Variants in CHRNA7 observed in about 807,000 individuals in gnomAD.
The protein encoded by CHRNA7 is cholinergic receptor nicotinic alpha 7 subunit, also known as neuronal acetylcholine receptor subunit alpha-7.
CHRNA7 carries 17 observed loss-of-function variants against 48.0 expected under a neutral mutation model. That is an observed-to-expected ratio of 0.35 (90% CI 0.24 to 0.53). The LOEUF (loss-of-function observed/expected upper bound fraction) is 0.53. CHRNA7 is among the 20% of genes least tolerant of loss of function. The pLI, the probability that CHRNA7 is intolerant of heterozygous loss-of-function variation, is 0.92. For missense variants in CHRNA7, 155 were observed against 577.7 expected, an observed-to-expected ratio of 0.27 and a Z score of 7.50; for synonymous variants, 75 against 242.3, an observed-to-expected ratio of 0.31 and a Z score of 6.41.
chr15:32,152,428 G>A (rs1415360447), intron 4 of CHRNA7, among the ~76,000 whole-genome samples: 6 of 152,166 alleles, frequency 3.9e-5, no homozygotes, highest in African/African-American at 1.2e-4. Context: ...GGGCAACAGA[G>A]CTAGACTCCA....
At chr15:32,105,485 G>GGAGGAGGA (rs2050652603) in intron 3 of CHRNA7, among the ~76,000 whole-genome samples, 3 of 136,770 alleles carry the variant, frequency 2.2e-5, no homozygotes, top group African/African-American at 8.9e-5. Flanking sequence ...GAGGAGGAAA[G>GGAGGAGGA]GAGGAGGAGA....
intron 2 of CHRNA7, among the ~76,000 whole-genome samples, chr15:32,058,016 A>G (rs2049815635): frequency 6.6e-6 from 1 of 152,218 alleles, no homozygotes; most frequent in South Asian, 2.1e-4. Flanking sequence ...TTACAACTTC[A>G]GACTAAACAG....
chr15:32,115,749 A>G (rs1333566082), intron 4 of CHRNA7, among the ~76,000 whole-genome samples: 1 of 152,142 alleles, frequency 6.6e-6, no homozygotes, highest in Non-Finnish European at 1.5e-5. Context: ...AGGGGCACCT[A>G]GCAGGGCACT....
chr15:32,115,437 T>G (rs1013267908), intron 4 of CHRNA7, among the ~76,000 whole-genome samples: 14 of 152,114 alleles, frequency 9.2e-5, no homozygotes, highest in African/African-American at 3.4e-4. Flanking sequence ...CTGGCTGGCT[T>G]CCCCTTCCTG....
At chr15:32,071,457 A>G (rs1249530288) in intron 2 of CHRNA7, among the ~76,000 whole-genome samples, 1 of 152,160 alleles carries the variant, frequency 6.6e-6, no homozygotes, top group African/African-American at 2.4e-5. Flanking sequence ...TTTTCAATAT[A>G]CAAGTCAAGT....
chr15:32,139,481 C>T (rs1011146164), intron 4 of CHRNA7, among the ~76,000 whole-genome samples: 4 of 152,188 alleles, frequency 2.6e-5, no homozygotes, highest in African/African-American at 9.7e-5. Context: ...TGCCCACCAG[C>T]AGTGTATGAG....
intron 3 of CHRNA7, 197 bp from the exon 4 acceptor site, chr15:32,111,593 A>C: frequency 1.9e-6 from 1 of 533,402 alleles, no homozygotes; most frequent in Non-Finnish European, 3.3e-6. Flanking sequence ...CAGAACCTTA[A>C]ATGTGAGTTT....
intron 2 of CHRNA7, among the ~76,000 whole-genome samples, chr15:32,073,648 C>T (rs1000538665): frequency 9.2e-5 from 14 of 152,062 alleles, no homozygotes; most frequent in East Asian, 7.7e-4. Flanking sequence ...GTGTTTGGGT[C>T]GTGGGGATGG....
chr15:32,074,369 T>C (rs927484335), intron 2 of CHRNA7, among the ~76,000 whole-genome samples: 2 of 144,864 alleles, frequency 1.4e-5, no homozygotes, highest in African/African-American at 5.1e-5. Context: ...CATAACATAG[T>C]GTTAGAAGTT....
rs947944373 is a variant in CHRNA7, at chr15:32,149,380, C to T, written c.351-4527C>T. Reference sequence around the variant, plus strand: ...GTCGGGCATCCCCGGGGAAGCTGCGCCGGTGCTGTGGCCACTGAGGTCCTC... The same window carrying T: ...GTCGGGCATCCCCGGGGAAGCTGCGTCGGTGCTGTGGCCACTGAGGTCCTC... On this transcript the variant is annotated intron_variant, in intron 4 of 9. Transcript: ENST00000306901. The surrounding 1 kb of genome is among the most constrained non-coding windows in gnomAD (Gnocchi z 4.6). Among the ~76,000 whole-genome samples the T allele has an allele frequency of 6.6e-6, 1 of 152,112 alleles. No homozygotes were observed. The highest frequency in any genetic ancestry group is 1.5e-5 in the Non-Finnish European group (1 of 68,020).
chr15:32,071,823 GC>G (rs1201593655), intron 2 of CHRNA7, among the ~76,000 whole-genome samples: 1 of 59,448 alleles, frequency 1.7e-5, no homozygotes, highest in Non-Finnish European at 4.7e-5. Flanking sequence ...AGCCAAATAA[GC>G]CTCTTTTTTT....
At chr15:32,063,910 T>C (rs950779547) in intron 2 of CHRNA7, among the ~76,000 whole-genome samples, 1 of 152,220 alleles carries the variant, frequency 6.6e-6, no homozygotes, top group Admixed American at 6.5e-5. Flanking sequence ...CATTTGTGGA[T>C]CCAGATCCTC....
chr15:32,070,669 C>CTTTTTTTTT lies in CHRNA7; in HGVS notation c.196-30607_196-30599dup, dbSNP rs71113441. Among the ~76,000 whole-genome samples, 28 of 40,892 alleles carry CTTTTTTTTT rather than the reference C, an allele frequency of 6.8e-4. 5 individuals carry two copies. Among genetic ancestry groups the CTTTTTTTTT allele is most frequent in the African/African-American group, 1.9e-3 (21 of 10,770 alleles). The allele number at this position is 40,892 out of a possible 152,430, so 26.8% of individuals were successfully genotyped here. On this transcript the variant is annotated intron_variant, in intron 2 of 9. Transcript: ENST00000306901. ...TGTGTGAACATGTGAGGTTTAGTTC[C>CTTTTTTTTT]TTTTTTTTTTTTTTTTTTTTTTTTT...
At position 32,041,804 on chromosome 15, in the gene CHRNA7, A is replaced by G. The variant is rs143319652; in HGVS notation, c.195+10767A>G. 6.8e-4 allele frequency among the ~76,000 whole-genome samples: 104 copies of G among 152,258 alleles called. 2 individuals carry two copies. The East Asian group carries it at 0.019, about 28-fold the overall frequency. On this transcript the variant is annotated intron_variant, in intron 2 of 9. Coordinates refer to ENST00000306901, the MANE Select transcript of CHRNA7 (RefSeq NM_000746.6). ...ACCTACTAGTAAGCCTATCAAATAT[A>G]TTCTTTATTTTTGTTACATTATTTT... is the stretch of plus-strand genomic sequence containing the variant.
Position 32,170,035 on chromosome 15 carries a change from G to A in CHRNA7, c.*1577G>A, listed in dbSNP as rs1217413243. 1.1e-4 allele frequency: 1 copy of A among 9,112 alleles called. No homozygotes were observed. The highest frequency in any genetic ancestry group is 6.3e-4 in the African/African-American group (1 of 1,596). The allele number at this position is 9,112 out of a possible 1,614,324, so 0.6% of individuals were successfully genotyped here. A position where few individuals can be genotyped will look rare whatever the true frequency, so the allele number is the denominator to read the frequency against. Reference sequence around the variant, plus strand: ...AGAAAGACCTCTCCTGTTCCATTGTGTCATCCAACAACTGCTCAGAGCTCA... The same window carrying A: ...AGAAAGACCTCTCCTGTTCCATTGTATCATCCAACAACTGCTCAGAGCTCA... On this transcript the variant is annotated 3_prime_UTR_variant, in exon 10 of 10. Coordinates refer to ENST00000306901, the MANE Select transcript of CHRNA7 (RefSeq NM_000746.6).
At chr15:32,146,174 A>T (rs1030138763) in intron 4 of CHRNA7, among the ~76,000 whole-genome samples, 5 of 152,242 alleles carry the variant, frequency 3.3e-5, no homozygotes, top group Non-Finnish European at 7.3e-5. Flanking sequence ...CTTTCAAAAA[A>T]GTCCATTAAT....
chr15:32,063,868 C>A (rs1003730370), intron 2 of CHRNA7, among the ~76,000 whole-genome samples: 6 of 152,194 alleles, frequency 3.9e-5, no homozygotes, highest in Non-Finnish European at 7.3e-5. Context: ...ATTTCAATAG[C>A]TATCAACTAG....
At position 32,030,563 on chromosome 15, in the gene CHRNA7, C is replaced by A; in HGVS notation, c.-32C>A. ...CCCGGGCGACAGCCGAGACGTGGAG[C>A]GCGCCGGCTCGCTGCAGCTCCGGGA... On this transcript the variant is annotated 5_prime_UTR_variant, in exon 1 of 10. Transcript: ENST00000306901. 1 of 1,462,600 alleles carries A rather than the reference C, an allele frequency of 6.8e-7. No individual in the cohort carries two copies. The allele number at this position is 1,462,600 out of a possible 1,614,324, so 90.6% of individuals were successfully genotyped here.
intron 4 of CHRNA7, among the ~76,000 whole-genome samples, chr15:32,137,004 C>T (rs1313691757): frequency 8.4e-5 from 10 of 119,156 alleles, no homozygotes; most frequent in Non-Finnish European, 1.6e-4. Context: ...TGCACTCCAG[C>T]CTGGGCGACA....
Sources: gnomAD v4.1 joint callset for allele counts (sites outside exome capture counted in the v4.1 genomes callset) on GRCh38, gnomAD v4.1.1 for gene constraint, Gnocchi (gnomAD v3.1) non-coding constraint, MANE v1.5 for transcripts, NCBI Gene and HGNC (gene_info 2026-07-23, HGNC 2026-07-21) for gene names.